The following ESR1 variants were observed in gnomAD, a reference collection of about 807,000 sequenced individuals.
ESR1 encodes estrogen receptor 1.
In ESR1, 12 loss-of-function variants were observed where a neutral mutation model predicts 52.7. The ratio of observed to expected loss-of-function variants is 0.23; its 90% CI spans 0.15 to 0.37. ESR1 has a LOEUF of 0.37. Among genes scored for constraint, ESR1 ranks in the 10% least tolerant of loss-of-function variants. The pLI, the probability that ESR1 is intolerant of heterozygous loss-of-function variation, is 1.00. For synonymous variants in ESR1, 305 were observed against 316.8 expected (o/e 0.96, Z 0.39); for missense variants, 584 against 779.7 (o/e 0.75, Z 2.99).
chr6:151,986,540 A>G (rs2040500941), intron 4 of ESR1, among the ~76,000 whole-genome samples: 1 of 152,146 alleles, frequency 6.6e-6, no homozygotes. Flanking sequence ...TGTGAATGTA[A>G]TGAACAAAAT....
chr6:151,824,294 C>T (rs1202131895), intron 1 of ESR1, among the ~76,000 whole-genome samples: 1 of 152,120 alleles, frequency 6.6e-6, no homozygotes, highest in Non-Finnish European at 1.5e-5. Flanking sequence ...CTGTTCATAT[C>T]CTTCGCCCAC....
intron 3 of ESR1, among the ~76,000 whole-genome samples, chr6:151,885,004 A>G (rs1208287321): frequency 2.0e-5 from 3 of 151,598 alleles, no homozygotes; most frequent in South Asian, 4.2e-4. Context: ...CATATGGTCC[A>G]TAAACTCCAT....
chr6:152,055,149 G>T lies in ESR1; in HGVS notation c.1236-5842G>T, dbSNP rs147292607. Among the ~76,000 whole-genome samples, 317 of 152,238 alleles carry T rather than the reference G, an allele frequency of 2.1e-3. 3 individuals carry two copies. Among genetic ancestry groups the T allele is most frequent in the African/African-American group, 7.3e-3 (304 of 41,532 alleles). ...GTGAATAATGCTACAGTGAACTTGG[G>T]AGTGCAGATATCTCTTCAACATATT... On this transcript the variant is annotated intron_variant, in intron 5 of 7. Transcript: ENST00000206249.
At chr6:151,744,711 T>A (rs1783357140) in intron 2 of ESR1, among the ~76,000 whole-genome samples, 2 of 152,238 alleles carry the variant, frequency 1.3e-5, no homozygotes, top group South Asian at 4.1e-4. Flanking sequence ...AAGTTTTTAG[T>A]TGTGTTGAAA....
At chr6:151,736,580 T>A (rs771818647) in intron 2 of ESR1, among the ~76,000 whole-genome samples, 2 of 152,036 alleles carry the variant, frequency 1.3e-5, no homozygotes, top group Non-Finnish European at 2.9e-5. Flanking sequence ...GGTTTCCCCA[T>A]GTTGCCCAGG....
chr6:151,784,653 T>C (rs1198472737), intron 2 of ESR1, among the ~76,000 whole-genome samples: 3 of 152,220 alleles, frequency 2.0e-5, no homozygotes, highest in African/African-American at 7.2e-5. Context: ...ATTCCTGCAT[T>C]GCAACCAGTG....
intron 2 of ESR1, among the ~76,000 whole-genome samples, chr6:151,787,849 C>A (rs1049483888): frequency 6.6e-6 from 1 of 152,090 alleles, no homozygotes; most frequent in South Asian, 2.1e-4. Flanking sequence ...CTTTCTCTTG[C>A]CTGATTGCTC....
chr6:151,978,434 G>A (rs1038036106), intron 4 of ESR1, among the ~76,000 whole-genome samples: 7 of 152,018 alleles, frequency 4.6e-5, no homozygotes, highest in African/African-American at 1.7e-4. Flanking sequence ...ATAGTAAAGA[G>A]GAAGAAAAAA....
chr6:151,672,827 ATT>A lies in ESR1; in HGVS notation n.73+16082_73+16083del, dbSNP rs11365774. ...TTCTTTGTGCTCAAATTCATGATCA[ATT>A]TTTTTTTTTTTTTTTTTGAGATGGA... is the stretch of plus-strand genomic sequence containing the variant. On this transcript the variant is annotated intron_variant and non_coding_transcript_variant, in intron 1 of 2. Transcript: ENST00000473497. Among the ~76,000 whole-genome samples the A allele has an allele frequency of 3.9e-3, 475 of 121,098 alleles. 1 individual carries two copies. The highest frequency in any genetic ancestry group is 0.012 in the African/African-American group (368 of 31,304). 79.4% of individuals were successfully genotyped at this position (121,098 alleles called of 152,430 possible). A position where few individuals can be genotyped will look rare whatever the true frequency, so the allele number is the denominator to read the frequency against.
rs146166568 is a variant in ESR1 at position 151,999,501 on chromosome 6, T to A, written c.1097-12155T>A. On this transcript the variant is annotated intron_variant, in intron 4 of 7. Coordinates refer to ENST00000206249, the MANE Select transcript of ESR1 (RefSeq NM_000125.4). ...GTTTGTCTTATATATAACAAGCATT[T>A]CCAGTAGTTAATAATACTTTCTTAG... is the stretch of plus-strand genomic sequence containing the variant. 4.7e-3 allele frequency among the ~76,000 whole-genome samples: 712 copies of A among 152,256 alleles called. 10 individuals are homozygous for A. The highest frequency in any genetic ancestry group is 0.016 in the African/African-American group (656 of 41,562).
intron 1 of ESR1, among the ~76,000 whole-genome samples, chr6:151,835,123 G>A (rs867968379): frequency 6.6e-6 from 1 of 152,138 alleles, no homozygotes; most frequent in African/African-American, 2.4e-5. Context: ...AAGAGGAAGG[G>A]TGCTCTAGGC....
At chr6:152,048,472 C>A (rs917850427) in intron 5 of ESR1, among the ~76,000 whole-genome samples, 4 of 151,276 alleles carry the variant, frequency 2.6e-5, no homozygotes, top group African/African-American at 7.3e-5. Flanking sequence ...AAGCCCCATT[C>A]TTTTTCTTCT....
chr6:152,063,536 A>G (rs976207182), intron 6 of ESR1, among the ~76,000 whole-genome samples: 1 of 152,236 alleles, frequency 6.6e-6, no homozygotes, highest in Admixed American at 6.5e-5. Flanking sequence ...CAAGACTGAC[A>G]CACAATGTTG....
chr6:151,704,424 A>C (rs1780029241), intron 2 of ESR1, among the ~76,000 whole-genome samples: 1 of 151,962 alleles, frequency 6.6e-6, no homozygotes, highest in Non-Finnish European at 1.5e-5. Context: ...TTTTTAGTAG[A>C]GATAGAGACA....
At chr6:151,833,325 C>T (rs890327626) in intron 1 of ESR1, among the ~76,000 whole-genome samples, 4 of 152,162 alleles carry the variant, frequency 2.6e-5, no homozygotes, top group South Asian at 4.2e-4. Flanking sequence ...CTTCAAGAGA[C>T]CTGTGAATGC....
chr6:151,933,358 A>T (rs2033936678), intron 3 of ESR1, among the ~76,000 whole-genome samples: 1 of 150,962 alleles, frequency 6.6e-6, no homozygotes, highest in Non-Finnish European at 1.5e-5. Flanking sequence ...TTTTGGGCTG[A>T]GACAATGGGG....
At position 152,122,620 on chromosome 6, in the gene ESR1, C is replaced by A. The variant is rs772814249; in HGVS notation, c.851-2646C>A. On this transcript the variant is annotated intron_variant, in intron 6 of 6. Coordinates refer to the ESR1 transcript ENST00000427531. The stretch of plus-strand genomic sequence containing the variant: ...GAGGACTCTGAACAGGAAGCCGCGG[C>A]CGGACCGACCTGGCCCTGGCTCAGA... 16 of 1,614,102 alleles carry A rather than the reference C, an allele frequency of 9.9e-6. No individual in the cohort carries two copies. In the Admixed American group the frequency reaches 2.7e-4, roughly 27 times the overall value.
At chr6:151,765,674 C>T (rs1269124318) in intron 2 of ESR1, among the ~76,000 whole-genome samples, 1 of 152,138 alleles carries the variant, frequency 6.6e-6, no homozygotes, top group Non-Finnish European at 1.5e-5. Context: ...GTTGCCTGGG[C>T]TTGTCACTCA....
Position 152,053,810 on chromosome 6 carries a change from A to G in ESR1, c.1236-7181A>G, listed in dbSNP as rs1197590357. ...AACCTTTTTGGAAGGCGTTTTGGCA[A>G]TACTTAGTAAAAGGTTAAATGTTTA... On this transcript the variant is annotated intron_variant, in intron 5 of 7. Transcript: ENST00000206249. The surrounding 1 kb of genome is among the most constrained non-coding windows in gnomAD (Gnocchi z 4.1). Among the ~76,000 whole-genome samples, 5 of 152,280 alleles carry G rather than the reference A, an allele frequency of 3.3e-5. No homozygotes were observed. In the East Asian group the frequency reaches 9.6e-4, roughly 29 times the overall value.
Sources: allele counts gnomAD v4.1 joint callset (sites outside exome capture counted in the v4.1 genomes callset), GRCh38; gene constraint gnomAD v4.1.1; non-coding constraint Gnocchi (gnomAD v3.1); transcripts MANE v1.5; gene names NCBI Gene and HGNC (gene_info 2026-07-23, HGNC 2026-07-21).